Variants in CFAP299 observed in about 807,000 individuals in gnomAD.
CFAP299 encodes cilia and flagella associated protein 299.
Under a neutral mutation model 27.0 loss-of-function variants are expected in CFAP299, and 21 were observed. The observed-to-expected ratio is 0.78, with a 90% CI of 0.55 to 1.12. The LOEUF (loss-of-function observed/expected upper bound fraction) is 1.12. CFAP299 is among the 50% of genes most tolerant of loss of function. The pLI, the probability that CFAP299 is intolerant of heterozygous loss-of-function variation, is 0.00. For missense variants in CFAP299, 310 were observed against 276.6 expected (o/e 1.12, Z -0.86); for synonymous variants, 104 against 98.1 (o/e 1.06, Z -0.36).
chr4:80,407,768 T>C (rs915344694), intron 2 of CFAP299, among the ~76,000 whole-genome samples: 2 of 152,348 alleles, frequency 1.3e-5, no homozygotes, highest in East Asian at 1.9e-4. Context: ...CTCCACAAAT[T>C]AACCAACATT....
At chr4:80,583,331 C>T in intron 3 of CFAP299, 148 bp downstream of exon 3, 5 of 398,090 alleles carry the variant, frequency 1.3e-5, no homozygotes, top group Admixed American at 4.4e-5. Flanking sequence ...TAGGAATATA[C>T]ATAGAAAGTT....
At chr4:80,506,475 T>G (rs1732044347) in intron 2 of CFAP299, among the ~76,000 whole-genome samples, 1 of 152,170 alleles carries the variant, frequency 6.6e-6, no homozygotes, top group South Asian at 2.1e-4. Flanking sequence ...TAAGAAATGC[T>G]TTGAGTGAAA....
At chr4:80,885,352 A>G (rs1733920420) in intron 4 of CFAP299, among the ~76,000 whole-genome samples, 1 of 152,192 alleles carries the variant, frequency 6.6e-6, no homozygotes, top group African/African-American at 2.4e-5. Context: ...AGAGCCAGTG[A>G]ACTACTGCGG....
At chr4:80,412,211 T>A (rs2110061918) in intron 2 of CFAP299, among the ~76,000 whole-genome samples, 1 of 152,296 alleles carries the variant, frequency 6.6e-6, no homozygotes, top group Middle Eastern at 3.4e-3. Flanking sequence ...ACGGTCATCA[T>A]TTTAACTATC....
intron 2 of CFAP299, among the ~76,000 whole-genome samples, chr4:80,493,759 CTTTTTTTTTTTT>C (rs1177389983): frequency 1.3e-4 from 10 of 76,756 alleles, no homozygotes; most frequent in Admixed American, 1.1e-3. Context: ...ATCTCATATT[CTTTTTTTTTTTT>C]TTTTTTTTTT....
At chr4:80,799,855 A>C (rs1474911381) in intron 3 of CFAP299, among the ~76,000 whole-genome samples, 3 of 33,012 alleles carry the variant, frequency 9.1e-5, no homozygotes, top group Non-Finnish European at 1.4e-4. Context: ...TATAATATAT[A>C]AATATATATT....
At chr4:80,959,006 A>C (rs2109867414) in intron 5 of CFAP299, among the ~76,000 whole-genome samples, 1 of 152,308 alleles carries the variant, frequency 6.6e-6, no homozygotes, top group East Asian at 1.9e-4. Flanking sequence ...TATTACTAAT[A>C]ATTTTCAAAT....
chr4:80,501,564 A>C (rs1246207457), intron 2 of CFAP299, among the ~76,000 whole-genome samples: 1 of 148,622 alleles, frequency 6.7e-6, no homozygotes, highest in Admixed American at 6.7e-5. Flanking sequence ...TAAATATATA[A>C]TTTATATAGA....
intron 3 of CFAP299, among the ~76,000 whole-genome samples, chr4:80,661,413 T>C (rs1740840498): frequency 6.6e-6 from 1 of 151,984 alleles, no homozygotes; most frequent in South Asian, 2.1e-4. Flanking sequence ...ACATAAATTG[T>C]GAAGATTTCA....
At chr4:80,511,588 T>C (rs1360761772) in intron 2 of CFAP299, among the ~76,000 whole-genome samples, 2 of 152,294 alleles carry the variant, frequency 1.3e-5, no homozygotes, top group South Asian at 2.1e-4. Context: ...CAGTAGTTAC[T>C]AACAATGAAG....
At chr4:80,422,643 T>C (rs1332686214) in intron 2 of CFAP299, among the ~76,000 whole-genome samples, 1 of 152,168 alleles carries the variant, frequency 6.6e-6, no homozygotes, top group Non-Finnish European at 1.5e-5. Context: ...ATAGTGAGTA[T>C]ACTTAAATGC....
chr4:80,649,206 A>G (rs933625270), intron 3 of CFAP299: 1 of 152,198 alleles, frequency 6.6e-6, no homozygotes, highest in Non-Finnish European at 1.5e-5. Context: ...CCTGAAGTCC[A>G]AAGTGTTGGA....
At chr4:80,903,556 A>G (rs775638479) in intron 4 of CFAP299, among the ~76,000 whole-genome samples, 25 of 152,180 alleles carry the variant, frequency 1.6e-4, no homozygotes, top group Non-Finnish European at 3.5e-4. Flanking sequence ...AGATATTACT[A>G]TTATTATTTG....
At chr4:80,418,349 TA>T (rs535258672) in intron 2 of CFAP299, among the ~76,000 whole-genome samples, 27 of 152,058 alleles carry the variant, frequency 1.8e-4, no homozygotes, top group Non-Finnish European at 3.1e-4. Context: ...TTTCTTTTTT[TA>T]AAAAAAAGTG....
At chr4:80,943,115 C>T (rs1435378841) in intron 4 of CFAP299, among the ~76,000 whole-genome samples, 11 of 152,218 alleles carry the variant, frequency 7.2e-5, no homozygotes. Flanking sequence ...ATTCACTAAT[C>T]ACATAGTCAT....
chr4:80,700,530 G>A (rs1043186538), intron 3 of CFAP299, among the ~76,000 whole-genome samples: 2 of 151,998 alleles, frequency 1.3e-5, no homozygotes, highest in Non-Finnish European at 2.9e-5. Context: ...AGGGCCACTC[G>A]TGTATCTAAG....
rs1229029883 is a variant in CFAP299, at chr4:80,922,677, A to T, written c.477-22133A>T. Among the ~76,000 whole-genome samples the T allele has an allele frequency of 4.6e-5, 7 of 151,756 alleles. No homozygotes were observed. In the East Asian group the frequency reaches 1.2e-3, roughly 25 times the overall value. ...CTATTTCCCCTAATTAAAAAGAAGC[A>T]CTCTTTCTTTTTTTGGATTTAAAAG... is the stretch of plus-strand genomic sequence containing the variant. On this transcript the variant is annotated intron_variant, in intron 4 of 5. Coordinates refer to ENST00000358105, the MANE Select transcript of CFAP299 (RefSeq NM_152770.3).
intron 3 of CFAP299, among the ~76,000 whole-genome samples, chr4:80,797,063 A>G (rs534741455): frequency 1.3e-5 from 2 of 152,114 alleles, no homozygotes; most frequent in Non-Finnish European, 2.9e-5. Context: ...TAACTAGAGA[A>G]CCACAATGAC....
At chr4:80,593,456 C>T (rs1736885954) in intron 3 of CFAP299, among the ~76,000 whole-genome samples, 1 of 152,124 alleles carries the variant, frequency 6.6e-6, no homozygotes, top group African/African-American at 2.4e-5. Context: ...AGGTCGTTGT[C>T]TTTTATTGAA....
Sources: allele counts gnomAD v4.1 joint callset (sites outside exome capture counted in the v4.1 genomes callset), GRCh38; gene constraint gnomAD v4.1.1; transcripts MANE v1.5; gene names NCBI Gene and HGNC (gene_info 2026-07-23, HGNC 2026-07-21).